PPP1R21: variants seen among roughly 807,000 people sequenced by gnomAD.
The protein encoded by PPP1R21 is KLRAQ motif containing 1.
In PPP1R21, 85 loss-of-function variants were observed where a neutral mutation model predicts 112.8. The observed-to-expected ratio is 0.75, with a 90% CI of 0.63 to 0.90. The LOEUF is 0.90. Among genes scored for constraint, PPP1R21 ranks in the 40% least tolerant of loss-of-function variants. The pLI, the probability that PPP1R21 is intolerant of heterozygous loss-of-function variation, is 0.00. For missense variants in PPP1R21, 1,199 were observed against 901.5 expected (o/e 1.33, Z -4.23); for synonymous variants, 381 against 322.3 (o/e 1.18, Z -1.95).
chr2:48,494,050 C>T (rs1221302854), intron 15 of PPP1R21, among the ~76,000 whole-genome samples: 3 of 109,098 alleles, frequency 2.7e-5, no homozygotes, highest in Non-Finnish European at 5.4e-5. Flanking sequence ...AGGGAGACCT[C>T]GTCTCTCCAA....
At chr2:48,479,135 A>C (rs374291897) in intron 12 of PPP1R21, among the ~76,000 whole-genome samples, 7 of 152,254 alleles carry the variant, frequency 4.6e-5, no homozygotes, top group African/African-American at 1.7e-4. Flanking sequence ...TAGAGCCTCC[A>C]TCTTAGGAGT....
intron 21 of PPP1R21, among the ~76,000 whole-genome samples, chr2:48,513,988 G>A (rs1435407175): frequency 6.6e-6 from 1 of 151,730 alleles, no homozygotes; most frequent in Non-Finnish European, 1.5e-5. Flanking sequence ...TGCCGTTTGG[G>A]TGTTAGTTAG....
At chr2:48,507,991 C>G (rs1298732036) in intron 19 of PPP1R21, among the ~76,000 whole-genome samples, 2 of 150,166 alleles carry the variant, frequency 1.3e-5, no homozygotes, top group Non-Finnish European at 3.0e-5. Flanking sequence ...TCTTGAACTC[C>G]TGACCTCAGG....
chr2:48,451,131 A>G, intron 2 of PPP1R21, 55 bp downstream of exon 2: 4 of 1,442,026 alleles, frequency 2.8e-6, no homozygotes, highest in Non-Finnish European at 3.9e-6. Flanking sequence ...GGTGTTGCTC[A>G]AAGCAGGTTC....
intron 9 of PPP1R21, among the ~76,000 whole-genome samples, chr2:48,467,908 C>G (rs1276871323): frequency 6.6e-6 from 1 of 152,210 alleles, no homozygotes; most frequent in Admixed American, 6.5e-5. Flanking sequence ...ATGTGGCAGT[C>G]TGAAATATGA....
At chr2:48,489,763 A>G (rs1669473617) in intron 14 of PPP1R21, among the ~76,000 whole-genome samples, 1 of 151,592 alleles carries the variant, frequency 6.6e-6, no homozygotes, top group Admixed American at 6.6e-5. Context: ...TACAAAAATT[A>G]GGCTGGGTGT....
At chr2:48,455,632 A>G (rs1477109623) in intron 3 of PPP1R21, among the ~76,000 whole-genome samples, 2 of 152,184 alleles carry the variant, frequency 1.3e-5, no homozygotes, top group Non-Finnish European at 2.9e-5. Context: ...ATTAGCTAAA[A>G]TTTTTGACAT....
intron 13 of PPP1R21, among the ~76,000 whole-genome samples, chr2:48,482,645 G>GT (rs200292830): frequency 0.26 from 32,339 of 126,512 alleles, 4,026 homozygotes; most frequent in East Asian, 0.41. Context: ...TAAAGACACT[G>GT]TTTTTTTTTT....
chr2:48,454,553 C>G, intron 2 of PPP1R21, 42 bp from the exon 3 acceptor site: 2 of 1,611,426 alleles, frequency 1.2e-6, no homozygotes, highest in African/African-American at 1.3e-5. Context: ...CTAAACCTTA[C>G]AGCTAAACTG....
At position 48,440,792 on chromosome 2, in the gene PPP1R21, C is replaced by A. The variant is rs1025198275; in HGVS notation, c.-162C>A. The A allele has an allele frequency of 1.6e-5, 10 of 629,416 alleles. No individual in the cohort carries two copies. Among genetic ancestry groups the A allele is most frequent in the African/African-American group, 3.9e-5 (2 of 51,380 alleles). 39.0% of individuals were successfully genotyped at this position (629,416 alleles called of 1,614,324 possible). On this transcript the variant is annotated 5_prime_UTR_variant, in exon 1 of 22. Transcript: ENST00000294952. ...CTCCACCTTCCTCCCACCCCGGGAA[C>A]CCGGAAGTGGAGGAGGAGGCGCGGC... is the stretch of plus-strand genomic sequence containing the variant.
In PPP1R21 at chr2:48,474,933, GA is replaced by G. The variant is rs1668683612; in HGVS notation, c.1225+118del. The G allele has an allele frequency of 6.8e-6, 6 of 879,442 alleles. No individual in the cohort carries two copies. In the South Asian group the frequency reaches 1.1e-4, roughly 16 times the overall value. 54.5% of individuals were successfully genotyped at this position (879,442 alleles called of 1,614,324 possible). On this transcript the variant is annotated intron_variant, in intron 12 of 21. Coordinates refer to ENST00000294952, the MANE Select transcript of PPP1R21 (RefSeq NM_001135629.3). The stretch of plus-strand genomic sequence containing the variant: ...AGAGGAGCATAGGATCTGGCATCAG[GA>G]AAACTTGAATTCAAATTCTCTAGCC...
chr2:48,493,872 A>G (rs1669680902), intron 15 of PPP1R21, among the ~76,000 whole-genome samples: 1 of 151,946 alleles, frequency 6.6e-6, no homozygotes, highest in Admixed American at 6.6e-5. Context: ...AGTGTAGCTT[A>G]TACTGATGCT....
At position 48,514,879 on chromosome 2, in the gene PPP1R21, T is replaced by C. The variant is rs1670805076; in HGVS notation, c.*135T>C. On this transcript the variant is annotated 3_prime_UTR_variant, in exon 22 of 22. Coordinates refer to ENST00000294952, the MANE Select transcript of PPP1R21 (RefSeq NM_001135629.3). ...GTTGGACCTAGTAAACTAGTCAGTGTTGGAAACGGCCTTGAAATATTTAAA... is the reference window on the plus strand; with the variant it reads ...GTTGGACCTAGTAAACTAGTCAGTGCTGGAAACGGCCTTGAAATATTTAAA... 6.5e-6 allele frequency: 5 copies of C among 769,874 alleles called. No individual in the cohort carries two copies. Among genetic ancestry groups the C allele is most frequent in the Admixed American group, 5.4e-5 (2 of 37,236 alleles). 47.7% of individuals were successfully genotyped at this position (769,874 alleles called of 1,614,324 possible). A position where few individuals can be genotyped will look rare whatever the true frequency, so the allele number is the denominator to read the frequency against.
intron 4 of PPP1R21, 57 bp downstream of exon 4, chr2:48,458,284 T>A: frequency 8.7e-7 from 1 of 1,145,448 alleles, no homozygotes; most frequent in Non-Finnish European, 1.3e-6. Context: ...TCTGTTAATG[T>A]GGAAAAGCTA....
chr2:48,473,894 C>T (rs1288641872), intron 11 of PPP1R21, among the ~76,000 whole-genome samples: 1 of 152,012 alleles, frequency 6.6e-6, no homozygotes, highest in Non-Finnish European at 1.5e-5. Context: ...TAAGCGTTTA[C>T]TTTTAAATTT....
In PPP1R21 at chr2:48,512,829, A is replaced by G. The variant is rs548609777; in HGVS notation, c.2313+1361A>G. 5.8e-3 allele frequency among the ~76,000 whole-genome samples: 528 copies of G among 90,844 alleles called. 1 individual carries two copies. The highest frequency in any genetic ancestry group is 0.015 in the African/African-American group (496 of 32,190). 59.6% of individuals were successfully genotyped at this position (90,844 alleles called of 152,430 possible). On this transcript the variant is annotated intron_variant, in intron 21 of 21. Coordinates refer to ENST00000294952, the MANE Select transcript of PPP1R21 (RefSeq NM_001135629.3). ...CTTGGGGGTAAGGGAGTTGGCGATCAGGGGGCTGGTCCTTTTAAGGAAAGC... is the reference window on the plus strand; with the variant it reads ...CTTGGGGGTAAGGGAGTTGGCGATCGGGGGGCTGGTCCTTTTAAGGAAAGC...
At chr2:48,513,756 T>C (rs570876347) in intron 21 of PPP1R21, among the ~76,000 whole-genome samples, 2 of 152,350 alleles carry the variant, frequency 1.3e-5, no homozygotes, top group East Asian at 3.9e-4. Context: ...AGTGTTTATA[T>C]TCTGCAAGCA....
At chr2:48,514,100 A>G (rs1367267406) in intron 21 of PPP1R21, among the ~76,000 whole-genome samples, 1 of 32,992 alleles carries the variant, frequency 3.0e-5, no homozygotes, top group East Asian at 2.5e-4. Flanking sequence ...TTTTTTTGAG[A>G]CAGAGTCTTG....
intron 13 of PPP1R21, 39 bp downstream of exon 13, chr2:48,480,055 C>G: frequency 1.5e-6 from 2 of 1,367,012 alleles, no homozygotes; most frequent in South Asian, 1.2e-5. Flanking sequence ...AAACCTTTGC[C>G]CCACTTTCTT....
Sources: allele counts gnomAD v4.1 joint callset (sites outside exome capture counted in the v4.1 genomes callset), GRCh38; gene constraint gnomAD v4.1.1; transcripts MANE v1.5; gene names NCBI Gene and HGNC (gene_info 2026-07-23, HGNC 2026-07-21).